Variants in TPD52 observed in about 807,000 individuals in gnomAD.
TPD52 encodes tumor protein D52.
A neutral mutation model predicts 31.3 loss-of-function variants in TPD52; 17 were observed. That is an observed-to-expected ratio of 0.54 (90% CI 0.37 to 0.82). TPD52 has a LOEUF of 0.82. TPD52 is among the 40% of genes least tolerant of loss of function. TPD52 has a pLI of 0.00. For missense variants in TPD52, 212 were observed against 240.1 expected (o/e 0.88, Z 0.77); for synonymous variants, 83 against 89.6 (o/e 0.93, Z 0.42).
chr8:80,156,370 A>T (rs765242503), intron 1 of TPD52, among the ~76,000 whole-genome samples: 60 of 152,328 alleles, frequency 3.9e-4, no homozygotes, highest in Admixed American at 1.3e-3. Context: ...CTTAGAAGTC[A>T]CATGGTGTCA....
chr8:80,109,145 T>C (rs768384573), intron 1 of TPD52, among the ~76,000 whole-genome samples: 34 of 152,154 alleles, frequency 2.2e-4, no homozygotes, highest in Non-Finnish European at 4.3e-4. Context: ...AACCTCAAGA[T>C]ATTTGGGGGA....
intron 1 of TPD52, among the ~76,000 whole-genome samples, chr8:80,150,169 C>A (rs1810471926): frequency 1.3e-5 from 2 of 152,206 alleles, no homozygotes; most frequent in South Asian, 2.1e-4. Context: ...GGTACAGCTC[C>A]AACTGTGGCT....
rs543697506 is a variant in TPD52 at position 80,100,922 on chromosome 8, C to T, written c.20-36329G>A. ...TGTTGATTTCATCCAAAAACAGCCT[C>T]AGACACACCCAAAATATTTGACCAA... On this transcript the variant is annotated intron_variant, in intron 1 of 7. Coordinates refer to ENST00000518937, the MANE Select transcript of TPD52 (RefSeq NM_001025253.3). Among the ~76,000 whole-genome samples the T allele has an allele frequency of 5.9e-5, 9 of 152,322 alleles. No individual in the cohort carries two copies. The South Asian group carries it at 1.2e-3, about 21-fold the overall frequency.
At chr8:80,079,713 A>G (rs2130818240) in intron 1 of TPD52, among the ~76,000 whole-genome samples, 1 of 152,282 alleles carries the variant, frequency 6.6e-6, no homozygotes, top group Admixed American at 6.5e-5. Flanking sequence ...GCCTTGTGCC[A>G]ATAAAGGAAG....
intron 1 of TPD52, 109 bp downstream of exon 1, chr8:80,171,316 C>T: frequency 7.0e-7 from 1 of 1,425,952 alleles, no homozygotes; most frequent in Non-Finnish European, 9.6e-7. Flanking sequence ...CCAGGAGGCT[C>T]GGCACCTGCT....
chr8:80,169,292 G>T (rs2131291817), intron 1 of TPD52, among the ~76,000 whole-genome samples: 1 of 152,194 alleles, frequency 6.6e-6, no homozygotes, highest in African/African-American at 2.4e-5. Context: ...TGGCCACGTT[G>T]TTCTAACACA....
At chr8:80,088,798 G>T (rs910986464) in intron 1 of TPD52, among the ~76,000 whole-genome samples, 3 of 152,200 alleles carry the variant, frequency 2.0e-5, no homozygotes, top group African/African-American at 7.2e-5. Flanking sequence ...AGTAAGAAGA[G>T]ACACTAGGGA....
chr8:80,095,253 C>A (rs1287042356), intron 1 of TPD52, among the ~76,000 whole-genome samples: 1 of 152,106 alleles, frequency 6.6e-6, no homozygotes, highest in Non-Finnish European at 1.5e-5. Context: ...ATATTATTGA[C>A]AAAAGCCAAT....
At chr8:80,149,948 A>G (rs1810459559) in intron 1 of TPD52, among the ~76,000 whole-genome samples, 1 of 152,366 alleles carries the variant, frequency 6.6e-6, no homozygotes, top group East Asian at 1.9e-4. Context: ...AGTAATGAGG[A>G]GACAAACGTT....
intron 1 of TPD52, among the ~76,000 whole-genome samples, chr8:80,159,960 G>A (rs1811236049): frequency 6.6e-6 from 1 of 152,180 alleles, no homozygotes; most frequent in Non-Finnish European, 1.5e-5. Context: ...GTAGGCCGAG[G>A]GAGGAGGATC....
chr8:80,150,196 C>A (rs940116970), intron 1 of TPD52, among the ~76,000 whole-genome samples: 1 of 152,210 alleles, frequency 6.6e-6, no homozygotes, highest in Non-Finnish European at 1.5e-5. Context: ...GGTGCAAGCC[C>A]CAAGCCTTGG....
chr8:80,121,520 TAACA>T (rs1808257866), intron 1 of TPD52, among the ~76,000 whole-genome samples: 1 of 152,186 alleles, frequency 6.6e-6, no homozygotes, highest in Non-Finnish European at 1.5e-5. Context: ...TACAGCAAAC[TAACA>T]AATACATTGT....
intron 1 of TPD52, among the ~76,000 whole-genome samples, chr8:80,110,605 G>C (rs1304236236): frequency 8.8e-5 from 13 of 147,398 alleles, no homozygotes; most frequent in South Asian, 2.2e-4. Flanking sequence ...AAAAAAAAAG[G>C]AGGAAACTTA....
chr8:80,133,535 G>C (rs762588245), intron 1 of TPD52, among the ~76,000 whole-genome samples: 9 of 152,076 alleles, frequency 5.9e-5, no homozygotes, highest in Non-Finnish European at 1.2e-4. Context: ...AGTTGCCCAG[G>C]CTTAAAACCA....
intron 1 of TPD52, among the ~76,000 whole-genome samples, chr8:80,152,780 C>CAAGAAAAAAAA (rs1810670061): frequency 1.2e-5 from 1 of 83,546 alleles, no homozygotes; most frequent in African/African-American, 5.1e-5. Flanking sequence ...GACTCCGTCT[C>CAAGAAAAAAAA]AAAAAAAAAA....
chr8:80,103,666 T>C lies in TPD52; in HGVS notation c.20-39073A>G, dbSNP rs978458787. ...ACATTTGGAGGTCATCACCAGTAAG[T>C]AGACTTAGATACGTGCATTCTAACA... On this transcript the variant is annotated intron_variant, in intron 1 of 7. Coordinates refer to ENST00000518937, the MANE Select transcript of TPD52 (RefSeq NM_001025253.3). Among the ~76,000 whole-genome samples, 11 of 152,326 alleles carry C rather than the reference T, an allele frequency of 7.2e-5. 1 individual carries two copies. The South Asian group carries it at 1.2e-3, about 17-fold the overall frequency.
intron 1 of TPD52, among the ~76,000 whole-genome samples, chr8:80,117,476 T>C (rs1405596288): frequency 6.6e-6 from 1 of 152,190 alleles, no homozygotes; most frequent in Non-Finnish European, 1.5e-5. Flanking sequence ...TAAATACATT[T>C]AAATAAATGG....
intron 1 of TPD52, among the ~76,000 whole-genome samples, chr8:80,146,170 G>A (rs1294542857): frequency 1.3e-5 from 2 of 152,112 alleles, no homozygotes; most frequent in African/African-American, 2.4e-5. Flanking sequence ...ATACATACAC[G>A]GAATCTAACA....
intron 1 of TPD52, among the ~76,000 whole-genome samples, chr8:80,116,355 G>A (rs901256115): frequency 1.3e-5 from 2 of 152,108 alleles, no homozygotes; most frequent in African/African-American, 4.8e-5. Flanking sequence ...GAATAAAAAG[G>A]ATTATAAAGT....
Sources: allele counts gnomAD v4.1 joint callset (sites outside exome capture counted in the v4.1 genomes callset), GRCh38; gene constraint gnomAD v4.1.1; transcripts MANE v1.5; gene names NCBI Gene and HGNC (gene_info 2026-07-23, HGNC 2026-07-21).